The following TBC1D5 variants were observed in gnomAD, a reference collection of about 807,000 sequenced individuals.
TBC1D5 encodes the protein TBC1 domain family, member 5.
Under a neutral mutation model 100.3 loss-of-function variants are expected in TBC1D5, and 75 were observed. That is an observed-to-expected ratio of 0.75 (90% CI 0.62 to 0.91). The LOEUF is 0.91. TBC1D5 is among the 40% of genes least tolerant of loss of function. TBC1D5 has a pLI of 0.00. For synonymous variants in TBC1D5, 323 were observed against 325.6 expected (o/e 0.99, Z 0.09); for missense variants, 910 against 942.4 (o/e 0.97, Z 0.45).
intron 2 of TBC1D5, among the ~76,000 whole-genome samples, chr3:17,607,045 G>C (rs773938400): frequency 1.6e-4 from 25 of 152,150 alleles, no homozygotes; most frequent in Non-Finnish European, 2.8e-4. Flanking sequence ...GTAACTATTA[G>C]ATTAAAATCA....
At chr3:17,211,747 T>G (rs1383111265) in intron 18 of TBC1D5, among the ~76,000 whole-genome samples, 1 of 152,254 alleles carries the variant, frequency 6.6e-6, no homozygotes, top group East Asian at 1.9e-4. Flanking sequence ...TTTCTTGTTT[T>G]CTTATTCTTT....
chr3:17,449,192 G>A (rs1012475779), intron 3 of TBC1D5, among the ~76,000 whole-genome samples: 1 of 152,108 alleles, frequency 6.6e-6, no homozygotes, highest in East Asian at 1.9e-4. Flanking sequence ...CATGAGAGAC[G>A]GTGTTATCCA....
Position 17,455,655 on chromosome 3 carries a change from T to G in TBC1D5, c.98-27136A>C, listed in dbSNP as rs139502974. Among the ~76,000 whole-genome samples the G allele has an allele frequency of 3.5e-3, 524 of 151,690 alleles. 3 individuals are homozygous for G. Among genetic ancestry groups the G allele is most frequent in the African/African-American group, 0.012 (509 of 41,362 alleles). ...GAGTTCGAAACCAACCTGGGCAACA[T>G]GAAGAAACCCCATGTCTATAAAAAT... On this transcript the variant is annotated intron_variant, in intron 3 of 21. Transcript: ENST00000253692.
chr3:17,242,099 G>T (rs961927917), intron 16 of TBC1D5, among the ~76,000 whole-genome samples: 1 of 152,124 alleles, frequency 6.6e-6, no homozygotes, highest in East Asian at 1.9e-4. Flanking sequence ...TTGCCCACTT[G>T]ATGTCTTGCA....
chr3:17,322,656 C>G (rs2085574093), intron 13 of TBC1D5, among the ~76,000 whole-genome samples: 1 of 152,192 alleles, frequency 6.6e-6, no homozygotes, highest in Non-Finnish European at 1.5e-5. Flanking sequence ...ACATTGTTAC[C>G]TTTAAAGGAG....
At chr3:17,516,699 A>G (rs2095993713) in intron 2 of TBC1D5, among the ~76,000 whole-genome samples, 1 of 152,230 alleles carries the variant, frequency 6.6e-6, no homozygotes, top group Non-Finnish European at 1.5e-5. Flanking sequence ...ATATTATCCA[A>G]TAGGAATAAA....
intron 2 of TBC1D5, among the ~76,000 whole-genome samples, chr3:17,590,006 G>A (rs1230497238): frequency 6.6e-6 from 1 of 152,170 alleles, no homozygotes. Flanking sequence ...ATTCCAGTAT[G>A]GGGCACAGCA....
intron 3 of TBC1D5, among the ~76,000 whole-genome samples, chr3:17,454,812 A>T (rs1022718795): frequency 1.4e-4 from 22 of 152,114 alleles, no homozygotes; most frequent in African/African-American, 5.1e-4. Context: ...CAAATAGAAT[A>T]AAAAAAGTAA....
chr3:17,466,210 A>G (rs2095298518), intron 3 of TBC1D5, among the ~76,000 whole-genome samples: 1 of 152,226 alleles, frequency 6.6e-6, no homozygotes, highest in African/African-American at 2.4e-5. Context: ...AATATAAGTC[A>G]GTATTTTGGT....
intron 3 of TBC1D5, among the ~76,000 whole-genome samples, chr3:17,461,719 G>C (rs1207539568): frequency 6.6e-6 from 1 of 152,016 alleles, no homozygotes; most frequent in Non-Finnish European, 1.5e-5. Context: ...CCCTACCAAA[G>C]AATCAAATGT....
chr3:17,705,550 C>CGCTCCTCA (rs1442582654), intron 1 of TBC1D5, among the ~76,000 whole-genome samples: 23 of 143,570 alleles, frequency 1.6e-4, no homozygotes, highest in Non-Finnish European at 3.4e-4. Flanking sequence ...CGGGCAGAGA[C>CGCTCCTCA]GCTCCTCACC....
chr3:17,472,064 T>C lies in TBC1D5; in HGVS notation c.97+36410A>G, dbSNP rs540053635. 1.4e-4 allele frequency among the ~76,000 whole-genome samples: 21 copies of C among 152,300 alleles called. No homozygotes were observed. In the South Asian group the frequency reaches 2.9e-3, roughly 21 times the overall value. Reference sequence around the variant, plus strand: ...CAATGTTCATCTCATTGTTAAGTAATTTAGAAGAATAGTAAAATTCAACAC... The same window carrying C: ...CAATGTTCATCTCATTGTTAAGTAACTTAGAAGAATAGTAAAATTCAACAC... On this transcript the variant is annotated intron_variant, in intron 3 of 21. Transcript: ENST00000253692.
At chr3:17,278,520 A>C (rs996830559) in intron 15 of TBC1D5, among the ~76,000 whole-genome samples, 10 of 152,254 alleles carry the variant, frequency 6.6e-5, no homozygotes, top group Admixed American at 1.3e-4. Context: ...AATTTTCATA[A>C]TAGTTTATTT....
intron 17 of TBC1D5, among the ~76,000 whole-genome samples, chr3:17,225,450 A>C (rs534033206): frequency 3.3e-3 from 494 of 150,712 alleles, no homozygotes; most frequent in Non-Finnish European, 5.5e-3. Flanking sequence ...AAAAAAAAAA[A>C]AAAAAACAAA....
chr3:17,591,565 G>A (rs2096772082), intron 2 of TBC1D5, among the ~76,000 whole-genome samples: 1 of 152,170 alleles, frequency 6.6e-6, no homozygotes, highest in South Asian at 2.1e-4. Context: ...TGGTCCTCCA[G>A]TTAAAGTAGG....
chr3:17,423,325 A>T (rs760757233), intron 4 of TBC1D5, among the ~76,000 whole-genome samples: 4 of 152,150 alleles, frequency 2.6e-5, no homozygotes, highest in Admixed American at 6.5e-5. Context: ...TATTTAAAAA[A>T]ATACATAAGT....
At position 17,393,504 on chromosome 3, in the gene TBC1D5, C is replaced by T. The variant is rs553578811; in HGVS notation, c.510-9489G>A. Among the ~76,000 whole-genome samples the T allele has an allele frequency of 1.8e-4, 28 of 152,022 alleles. 1 individual carries two copies. In the South Asian group the frequency reaches 5.8e-3, roughly 32 times the overall value. The stretch of plus-strand genomic sequence containing the variant: ...ATTTCATATGGAACCAAGAAAGAGC[C>T]CATATATTCATGACAATCCTAAGGA... On this transcript the variant is annotated intron_variant, in intron 8 of 21. Coordinates refer to ENST00000253692, the Ensembl canonical transcript of TBC1D5.
chr3:17,582,489 A>G (rs1173717191), intron 2 of TBC1D5, among the ~76,000 whole-genome samples: 2 of 152,192 alleles, frequency 1.3e-5, no homozygotes, highest in Non-Finnish European at 2.9e-5. Context: ...GGATATAAAA[A>G]ACAGTACAGC....
At chr3:17,238,312 C>A in exon 17 of TBC1D5, 1 of 1,613,964 alleles carries the variant, frequency 6.2e-7, no homozygotes, top group Non-Finnish European at 8.5e-7. Flanking sequence ...AGGTACAGGG[C>A]CACCTGCACT....
Sources: gnomAD v4.1 joint callset for allele counts (sites outside exome capture counted in the v4.1 genomes callset) on GRCh38, gnomAD v4.1.1 for gene constraint, MANE v1.5 for transcripts, NCBI Gene and HGNC (gene_info 2026-07-23, HGNC 2026-07-21) for gene names.